WDR17: variants seen among roughly 807,000 people sequenced by gnomAD.
WDR17 encodes WD repeat-containing protein 17.
In WDR17, 143 loss-of-function variants were observed where a neutral mutation model predicts 161.7. The ratio of observed to expected loss-of-function variants is 0.88; its 90% CI spans 0.77 to 1.02. The LOEUF (loss-of-function observed/expected upper bound fraction) is 1.02. WDR17 is among the 50% of genes least tolerant of loss of function. The pLI is 0.00. For missense variants in WDR17, 1,469 were observed against 1,520.9 expected (o/e 0.97, Z 0.57); for synonymous variants, 517 against 515.6 (o/e 1.00, Z -0.04).
At chr4:176,170,320 T>C (rs1250985106) in intron 23 of WDR17, among the ~76,000 whole-genome samples, 2 of 149,670 alleles carry the variant, frequency 1.3e-5, no homozygotes, top group Admixed American at 6.6e-5. Context: ...TTTTTTCTTT[T>C]TTTTTTTTTT....
At chr4:176,092,911 G>A (rs575784522) in intron 1 of WDR17, among the ~76,000 whole-genome samples, 2 of 152,042 alleles carry the variant, frequency 1.3e-5, no homozygotes, top group Admixed American at 6.6e-5. Flanking sequence ...GTGTGGTGGC[G>A]CATGCCTGTG....
At chr4:176,111,220 A>G (rs1387769434) in intron 1 of WDR17, 1 of 157,030 alleles carries the variant, frequency 6.4e-6, no homozygotes, top group Non-Finnish European at 1.4e-5. Flanking sequence ...AGTTCCATAA[A>G]TCTTGCAACA....
At position 176,162,059 on chromosome 4, in the gene WDR17, AT is replaced by A. The variant is rs547877371; in HGVS notation, c.2751-9del. On this transcript the variant is annotated splice_polypyrimidine_tract_variant and intron_variant, in intron 20 of 28. Transcript: ENST00000508596. ...ATACTTGTGTTTATATAGAATACAC[AT>A]TTTTTTCTTTCTAGACTCCTGCACA... 30 of 1,599,282 alleles carry A rather than the reference AT, an allele frequency of 1.9e-5. No homozygotes were observed. The Admixed American group carries it at 2.3e-4, about 12-fold the overall frequency.
At chr4:176,142,981 G>T (rs1033045536) in intron 11 of WDR17, among the ~76,000 whole-genome samples, 1 of 152,180 alleles carries the variant, frequency 6.6e-6, no homozygotes, top group African/African-American at 2.4e-5. Flanking sequence ...CCGGGTTCAA[G>T]CGATTCTCCA....
At chr4:176,113,914 A>C (rs1252316844) in intron 2 of WDR17, among the ~76,000 whole-genome samples, 1 of 152,028 alleles carries the variant, frequency 6.6e-6, no homozygotes, top group East Asian at 1.9e-4. Context: ...GGTCAATCTC[A>C]ATGTAATTGT....
intron 21 of WDR17, 66 bp from the exon 22 acceptor site, chr4:176,163,088 T>G: frequency 6.3e-7 from 1 of 1,581,172 alleles, no homozygotes; most frequent in Non-Finnish European, 8.7e-7. Flanking sequence ...TTTATGAGCT[T>G]GGAGGGGAAT....
At chr4:176,172,788 C>T (rs1750922250) in intron 24 of WDR17, among the ~76,000 whole-genome samples, 1 of 151,766 alleles carries the variant, frequency 6.6e-6, no homozygotes, top group Non-Finnish European at 1.5e-5. Flanking sequence ...TTGGTGAGAG[C>T]AGGGGCAGAG....
chr4:176,181,134 A>G lies in WDR17; in HGVS notation c.*1555A>G, dbSNP rs1264005597. The G allele has an allele frequency of 1.3e-5, 2 of 152,120 alleles. No individual in the cohort carries two copies. Among genetic ancestry groups the G allele is most frequent in the Non-Finnish European group, 2.9e-5 (2 of 68,026 alleles). The allele number at this position is 152,120 out of a possible 1,614,324, so 9.4% of individuals were successfully genotyped here. A position where few individuals can be genotyped will look rare whatever the true frequency, so the allele number is the denominator to read the frequency against. ...TATTATGTATCTATGTATCATATTT[A>G]TCACATGACCACTTTTGATTCCTTA... On this transcript the variant is annotated 3_prime_UTR_variant, in exon 29 of 29. Transcript: ENST00000508596.
intron 1 of WDR17, among the ~76,000 whole-genome samples, chr4:176,073,014 C>G (rs1227562180): frequency 6.6e-6 from 1 of 152,112 alleles, no homozygotes; most frequent in Non-Finnish European, 1.5e-5. Context: ...AAGATTTTTT[C>G]ACCAGATGTC....
At chr4:176,117,817 T>C (rs1419523056) in intron 3 of WDR17, among the ~76,000 whole-genome samples, 2 of 152,286 alleles carry the variant, frequency 1.3e-5, no homozygotes, top group South Asian at 2.1e-4. Context: ...GATTGAAAGC[T>C]TTGCTATTTT....
intron 1 of WDR17, among the ~76,000 whole-genome samples, chr4:176,089,919 A>T (rs1444849184): frequency 2.0e-5 from 3 of 152,134 alleles, no homozygotes; most frequent in Non-Finnish European, 4.4e-5. Flanking sequence ...CTGGAAATGA[A>T]GGTGTTCCAT....
At chr4:176,175,931 C>G (rs1172111800) in intron 26 of WDR17, among the ~76,000 whole-genome samples, 1 of 152,156 alleles carries the variant, frequency 6.6e-6, no homozygotes, top group Non-Finnish European at 1.5e-5. Flanking sequence ...TTCCTAACTT[C>G]TCCCTATTGC....
At chr4:176,074,476 G>A (rs13151210) in intron 1 of WDR17, among the ~76,000 whole-genome samples, 78,882 of 150,984 alleles carry the variant, frequency 0.52, 21,962 homozygotes, top group South Asian at 0.63. Context: ...TTTTAAAAAA[G>A]GACAGAGTCT....
At chr4:176,133,935 C>A (rs1017079726) in intron 7 of WDR17, among the ~76,000 whole-genome samples, 4 of 151,666 alleles carry the variant, frequency 2.6e-5, no homozygotes, top group African/African-American at 9.7e-5. Flanking sequence ...CAATTTTGTT[C>A]TTGCTATGTG....
intron 2 of WDR17, among the ~76,000 whole-genome samples, chr4:176,114,144 G>T (rs1343667087): frequency 1.3e-5 from 2 of 151,530 alleles, no homozygotes; most frequent in Non-Finnish European, 3.0e-5. Flanking sequence ...TTTTCTTTTG[G>T]ATACATTAGA....
intron 13 of WDR17, among the ~76,000 whole-genome samples, chr4:176,149,157 A>T (rs1746682439): frequency 6.6e-6 from 1 of 152,192 alleles, no homozygotes; most frequent in African/African-American, 2.4e-5. Context: ...TTGGTTTTAT[A>T]GTATACTTGT....
At chr4:176,134,633 G>A (rs974105360) in intron 7 of WDR17, among the ~76,000 whole-genome samples, 1 of 151,522 alleles carries the variant, frequency 6.6e-6, no homozygotes, top group African/African-American at 2.4e-5. Flanking sequence ...AAATTATGAG[G>A]TGCTTTTGGA....
At chr4:176,126,266 G>A (rs1742431667) in intron 5 of WDR17, among the ~76,000 whole-genome samples, 2 of 152,166 alleles carry the variant, frequency 1.3e-5, no homozygotes, top group South Asian at 4.1e-4. Context: ...GCTAAGTAGT[G>A]ATAGGGGATG....
At chr4:176,122,887 G>A (rs1741832672) in intron 4 of WDR17, among the ~76,000 whole-genome samples, 1 of 152,144 alleles carries the variant, frequency 6.6e-6, no homozygotes, top group African/African-American at 2.4e-5. Flanking sequence ...TTATGTGTGT[G>A]TATTGAGGGT....
Sources: gnomAD v4.1 joint callset for allele counts (sites outside exome capture counted in the v4.1 genomes callset) on GRCh38, gnomAD v4.1.1 for gene constraint, MANE v1.5 for transcripts, NCBI Gene and HGNC (gene_info 2026-07-23, HGNC 2026-07-21) for gene names.